Variants in LGR5 observed in about 807,000 individuals in gnomAD.
The protein encoded by LGR5 is leucine rich repeat containing G protein-coupled receptor 5.
Under a neutral mutation model 76.7 loss-of-function variants are expected in LGR5, and 54 were observed. The ratio of observed to expected loss-of-function variants is 0.70; its 90% CI spans 0.57 to 0.88. LGR5 has a LOEUF of 0.88. LGR5 is among the 40% of genes least tolerant of loss of function. LGR5 has a pLI of 0.00. For missense variants in LGR5, 1,078 were observed against 1,073.3 expected (o/e 1.00, Z -0.06); for synonymous variants, 406 against 421.9 (o/e 0.96, Z 0.46).
intron 1 of LGR5, among the ~76,000 whole-genome samples, chr12:71,457,376 C>A (rs1176801313): frequency 1.3e-5 from 2 of 152,088 alleles, no homozygotes; most frequent in African/African-American, 4.8e-5. Flanking sequence ...TTGCTTTGAT[C>A]AGGAAGATAA....
chr12:71,553,413 C>G (rs1282706767), intron 5 of LGR5, 125 bp downstream of exon 5: 6 of 735,560 alleles, frequency 8.2e-6, no homozygotes, highest in Non-Finnish European at 1.4e-5. Flanking sequence ...CTCCTGAGCC[C>G]CTCCCCAAAA....
At chr12:71,532,704 G>A (rs1281997470) in intron 3 of LGR5, among the ~76,000 whole-genome samples, 1 of 152,030 alleles carries the variant, frequency 6.6e-6, no homozygotes, top group Non-Finnish European at 1.5e-5. Flanking sequence ...AAAGACCAAG[G>A]GTCAGGAGGT....
chr12:71,538,330 T>C (rs954468), intron 4 of LGR5, among the ~76,000 whole-genome samples: 28,516 of 151,880 alleles, frequency 0.19, 3,038 homozygotes, highest in Admixed American at 0.29. Flanking sequence ...TTGGACAACA[T>C]AGTGAGACCC....
At position 71,492,655 on chromosome 12, in the gene LGR5, G is replaced by A. The variant is rs546332588; in HGVS notation, c.213-11959G>A. Among the ~76,000 whole-genome samples, 7 of 152,236 alleles carry A rather than the reference G, an allele frequency of 4.6e-5. No individual in the cohort carries two copies. The South Asian group carries it at 1.5e-3, about 32-fold the overall frequency. The stretch of plus-strand genomic sequence containing the variant: ...TATTGTCTTGAGAGTCAAACCGATG[G>A]GAATTTTCTCTAACAGAGGAAGTTA... On this transcript the variant is annotated intron_variant, in intron 1 of 17. Coordinates refer to ENST00000266674, the MANE Select transcript of LGR5 (RefSeq NM_003667.4).
intron 1 of LGR5, among the ~76,000 whole-genome samples, chr12:71,455,601 CCT>C (rs1406354909): frequency 3.7e-4 from 57 of 152,270 alleles, no homozygotes; most frequent in Non-Finnish European, 2.4e-4. Flanking sequence ...CTTCTTTCTG[CCT>C]CTCTCTAGCA....
At chr12:71,447,752 T>C (rs953522886) in intron 1 of LGR5, among the ~76,000 whole-genome samples, 2 of 152,186 alleles carry the variant, frequency 1.3e-5, no homozygotes, top group Admixed American at 6.5e-5. Context: ...TGGCAGGGCA[T>C]AGCCGTGAAG....
intron 2 of LGR5, among the ~76,000 whole-genome samples, chr12:71,508,429 G>A (rs868467788): frequency 2.2e-4 from 33 of 152,058 alleles, no homozygotes; most frequent in South Asian, 4.2e-4. Context: ...TCAATAAAGC[G>A]CTAGAGATAT....
At chr12:71,504,709 G>C in intron 2 of LGR5, 24 bp downstream of exon 2, 1 of 1,551,624 alleles carries the variant, frequency 6.4e-7, no homozygotes, top group Non-Finnish European at 8.9e-7. Context: ...TAGTCTTGAT[G>C]CATCCAGTCA....
intron 2 of LGR5, among the ~76,000 whole-genome samples, chr12:71,505,768 C>T (rs1450083951): frequency 6.6e-6 from 1 of 152,006 alleles, no homozygotes; most frequent in Middle Eastern, 3.2e-3. Context: ...GTTTTACTAC[C>T]AAAATCAGTT....
intron 6 of LGR5, 151 bp downstream of exon 6, chr12:71,556,841 A>T: frequency 3.1e-6 from 2 of 643,660 alleles, no homozygotes; most frequent in South Asian, 3.7e-5. Context: ...TACACACACA[A>T]CCCCCACAGA....
intron 1 of LGR5, among the ~76,000 whole-genome samples, chr12:71,500,546 TC>T (rs1409561960): frequency 1.3e-5 from 2 of 152,288 alleles, no homozygotes; most frequent in Non-Finnish European, 2.9e-5. Context: ...CAGGTGATCC[TC>T]CCATCTCAGC....
intron 4 of LGR5, among the ~76,000 whole-genome samples, chr12:71,546,688 C>A (rs1015576102): frequency 6.6e-6 from 1 of 152,136 alleles, no homozygotes; most frequent in African/African-American, 2.4e-5. Context: ...TCCCACTAGG[C>A]CCTCCTACAC....
intron 8 of LGR5, 57 bp from the exon 9 acceptor site, chr12:71,566,347 A>G: frequency 9.2e-7 from 1 of 1,085,582 alleles, no homozygotes. Context: ...TTTTGAACAG[A>G]TATTCATCTT....
At chr12:71,511,432 C>T (rs561728166) in intron 2 of LGR5, among the ~76,000 whole-genome samples, 130 of 152,284 alleles carry the variant, frequency 8.5e-4, no homozygotes, top group African/African-American at 2.5e-3. Context: ...CTTTAACAAG[C>T]TCTCCAGGTG....
chr12:71,549,999 C>T (rs1234221338), intron 4 of LGR5, among the ~76,000 whole-genome samples: 2 of 152,022 alleles, frequency 1.3e-5, no homozygotes, highest in Non-Finnish European at 2.9e-5. Flanking sequence ...GCTATATTAA[C>T]GTTGGGAACT....
At position 71,504,649 on chromosome 12, in the gene LGR5, C is replaced by T. The variant is rs143988867; in HGVS notation, c.248C>T (p.Pro83Leu). 10 of 1,613,944 alleles carry T rather than the reference C, an allele frequency of 6.2e-6. No homozygotes were observed. The highest frequency in any genetic ancestry group is 2.7e-5 in the African/African-American group (2 of 74,894). Residue 83 changes from proline (P) to leucine (L), a missense_variant, in exon 2 of 18, where the codon CCG becomes CTG. Physicochemically the swap from Pro to Leu is moderately conservative, Grantham distance 98. Coordinates refer to ENST00000266674, the MANE Select transcript of LGR5 (RefSeq NM_003667.4). ...LSMNNISQLL[P>L]NPLPSLRFLE... ...ATGAACAACATCAGTCAGCTGCTCC[C>T]GAATCCCCTGCCCAGTCTCCGCTTC...
chr12:71,470,000 G>C (rs11178810), intron 1 of LGR5, among the ~76,000 whole-genome samples: 25,024 of 151,890 alleles, frequency 0.16, 2,306 homozygotes, highest in African/African-American at 0.24. Flanking sequence ...GAAGTGACCC[G>C]CTGTGGGCTG....
chr12:71,466,036 G>C (rs1313080530), intron 1 of LGR5, among the ~76,000 whole-genome samples: 2 of 152,158 alleles, frequency 1.3e-5, no homozygotes, highest in Non-Finnish European at 2.9e-5. Context: ...CTGCACCTGG[G>C]AAGACTGGCA....
chr12:71,454,883 A>C (rs1872402448), intron 1 of LGR5, among the ~76,000 whole-genome samples: 1 of 152,070 alleles, frequency 6.6e-6, no homozygotes, highest in African/African-American at 2.4e-5. Flanking sequence ...TCAAAATCTC[A>C]AAATATATAC....
Sources: gnomAD v4.1 joint callset for allele counts (sites outside exome capture counted in the v4.1 genomes callset) on GRCh38, gnomAD v4.1.1 for gene constraint, MANE v1.5 for transcripts, NCBI Gene and HGNC (gene_info 2026-07-23, HGNC 2026-07-21) for gene names.